The following KRT79 variants were observed in gnomAD, a reference collection of about 807,000 sequenced individuals.
The protein encoded by KRT79 is keratin, type II cytoskeletal 79.
Under a neutral mutation model 49.0 loss-of-function variants are expected in KRT79, and 51 were observed. The observed-to-expected ratio is 1.04, with a 90% CI of 0.83 to 1.31. The LOEUF is 1.31. KRT79 is among the 40% of genes most tolerant of loss of function. The pLI, the probability that KRT79 is intolerant of heterozygous loss-of-function variation, is 0.00. For missense variants in KRT79, 728 were observed against 688.0 expected (o/e 1.06, Z -0.65); for synonymous variants, 312 against 286.6 (o/e 1.09, Z -0.90).
rs756078127 is a variant in KRT79, at chr12:52,823,055, A to G, written c.1328T>C (p.Ile443Thr). ...MNVKLALDVE[I>T]ATYRKLLESE... ...CTCCAGAAGCTTGCGGTAGGTGGCA[A>G]TCTCCACGTCCAGGGCCAGCTTGAC... Residue 443 changes from isoleucine (I) to threonine (T), a missense_variant, in exon 7 of 9, where the codon ATT (isoleucine) becomes ACT (threonine). Physicochemically the swap from Ile to Thr is moderately conservative, Grantham distance 89 (BLOSUM62 -1). Transcript: ENST00000330553. 1.2e-6 allele frequency: 2 copies of G among 1,614,052 alleles called. No individual in the cohort carries two copies. The highest frequency in any genetic ancestry group is 1.7e-6 in the Non-Finnish European group (2 of 1,179,978).
rs34000434 is a variant in KRT79, at chr12:52,826,512, C to CAA, written c.856-2152_856-2151dup. Among the ~76,000 whole-genome samples, 333 of 102,482 alleles carry CAA rather than the reference C, an allele frequency of 3.2e-3. 1 individual carries two copies. Among genetic ancestry groups the CAA allele is most frequent in the African/African-American group, 0.012 (313 of 26,770 alleles). The allele number at this position is 102,482 out of a possible 152,430, so 67.2% of individuals were successfully genotyped here. On this transcript the variant is annotated intron_variant, in intron 4 of 8. Transcript: ENST00000330553. ...TGAGTGACAGAATGAGACCCTGTCT[C>CAA]AAAAAAAAAAAAAAAAAAAGTCAGG...
chr12:52,831,627 C>T lies in KRT79; in HGVS notation c.478-1G>A. 6.2e-7 allele frequency: 1 copy of T among 1,613,124 alleles called. No homozygotes were observed. Among genetic ancestry groups the T allele is most frequent in the East Asian group, 2.2e-5 (1 of 44,868 alleles). The stretch of plus-strand genomic sequence containing the variant: ...TATTCTGTTGCTCCAGGAACCGCAC[C>T]TGAGCCAGAGCAGAAAGGGTGGGCT... On this transcript the variant is annotated splice_acceptor_variant, in intron 1 of 8. Transcript: ENST00000330553. LOFTEE classifies it high-confidence loss of function.
At position 52,821,613 on chromosome 12, in the gene KRT79, C is replaced by CACCGTATCATTA; in HGVS notation, c.*258_*259insTAATGATACGGT. Reference sequence around the variant, plus strand: ...AGAAATTCAGCCTCCTCTCGGTGGTCAAAAGGTCACCCCCAAGTCACCCAA... The same window carrying CACCGTATCATTA: ...AGAAATTCAGCCTCCTCTCGGTGGTCACCGTATCATTAAAAAGGTCACCCCCAAGTCACCCAA... On this transcript the variant is annotated 3_prime_UTR_variant, in exon 9 of 9. Transcript: ENST00000330553. 1 of 494,334 alleles carries CACCGTATCATTA rather than the reference C, an allele frequency of 2.0e-6. No homozygotes were observed. The highest frequency in any genetic ancestry group is 3.6e-6 in the Non-Finnish European group (1 of 276,416). The allele number at this position is 494,334 out of a possible 1,614,324, so 30.6% of individuals were successfully genotyped here. A position where few individuals can be genotyped will look rare whatever the true frequency, so the allele number is the denominator to read the frequency against.
At chr12:52,828,661 T>C (rs752080999) in intron 4 of KRT79, among the ~76,000 whole-genome samples, 13 of 152,226 alleles carry the variant, frequency 8.5e-5, no homozygotes, top group Non-Finnish European at 1.9e-4. Context: ...GGAGAGTAGA[T>C]ACATGTCTCA....
intron 2 of KRT79, among the ~76,000 whole-genome samples, chr12:52,830,628 C>A (rs1940239998): frequency 1.3e-5 from 2 of 152,194 alleles, no homozygotes; most frequent in Non-Finnish European, 2.9e-5. Context: ...TCACTTTCAA[C>A]AACACAGTGT....
At chr12:52,824,681 A>G (rs1940152880) in intron 4 of KRT79, among the ~76,000 whole-genome samples, 1 of 152,158 alleles carries the variant, frequency 6.6e-6, no homozygotes, top group South Asian at 2.1e-4. Flanking sequence ...TAACCCCTCT[A>G]GGCCTCAGAA....
chr12:52,832,808 A>C (rs552306654), intron 1 of KRT79, among the ~76,000 whole-genome samples: 1 of 152,272 alleles, frequency 6.6e-6, no homozygotes, highest in African/African-American at 2.4e-5. Context: ...CTCTGCCTCC[A>C]ACTCCTTGTA....
chr12:52,825,142 G>A (rs2256838), intron 4 of KRT79, among the ~76,000 whole-genome samples: 3,564 of 152,236 alleles, frequency 0.023, 121 homozygotes, highest in African/African-American at 0.079. Context: ...TGGCTCCCAC[G>A]TGGGGCTCTG....
chr12:52,824,099 G>A (rs1020497600), intron 5 of KRT79, 87 bp from the exon 6 acceptor site: 22 of 1,611,884 alleles, frequency 1.4e-5, no homozygotes, highest in Non-Finnish European at 1.9e-5. Flanking sequence ...GAGTATATCT[G>A]GCCCCCCGGA....
chr12:52,823,210 C>T lies in KRT79; in HGVS notation c.1173G>A (p.Ala391=), dbSNP rs555720290. The T allele has an allele frequency of 1.4e-5, 23 of 1,614,084 alleles. No homozygotes were observed. The highest frequency in any genetic ancestry group is 8.3e-5 in the Admixed American group (5 of 60,004). The change falls in exon 7 of 9, where the codon GCG becomes GCA. Residue 391 remains alanine, a synonymous_variant. Coordinates refer to ENST00000330553, the MANE Select transcript of KRT79 (RefSeq NM_175834.3). ...CCAGCTCCCCACGCTGCTCCGCTTC[C>T]GCAATGGCCGTCTGCAGCTGCTGAC... ...KQCQQLQTAI[A]EAEQRGELAL...
chr12:52,824,674 C>G (rs1053890488), intron 4 of KRT79, among the ~76,000 whole-genome samples: 1 of 152,206 alleles, frequency 6.6e-6, no homozygotes, highest in Non-Finnish European at 1.5e-5. Flanking sequence ...CATTCACTAA[C>G]CCCTCTAGGC....
chr12:52,831,495 C>T lies in KRT79; in HGVS notation c.609G>A (p.Arg203=), dbSNP rs757527198. Residue 203 remains arginine (R), a synonymous_variant, in exon 2 of 9, where the codon CGG becomes CGA. Transcript: ENST00000330553. The stretch of plus-strand genomic sequence containing the variant: ...CGCTCTGAAGTCTGTCCAGCGTGCT[C>T]CGCATGCTACCCAGGTAGGCCTCAA... ...PLFEAYLGSM[R]STLDRLQSER... The T allele has an allele frequency of 6.2e-7, 1 of 1,614,202 alleles. No homozygotes were observed. The highest frequency in any genetic ancestry group is 8.5e-7 in the Non-Finnish European group (1 of 1,180,020).
At position 52,824,648 on chromosome 12, in the gene KRT79, C is replaced by T. The variant is rs73305812; in HGVS notation, c.856-286G>A. Reference sequence around the variant, plus strand: ...TACTCTCTGCACTAACACTGGTGCCCGGCACTGTGCTAGCACATTCACTAA... The same window carrying T: ...TACTCTCTGCACTAACACTGGTGCCTGGCACTGTGCTAGCACATTCACTAA... On this transcript the variant is annotated intron_variant, in intron 4 of 8. Transcript: ENST00000330553. Among the ~76,000 whole-genome samples the T allele has an allele frequency of 6.6e-3, 1,010 of 152,278 alleles. 10 individuals are homozygous for T. Among genetic ancestry groups the T allele is most frequent in the African/African-American group, 0.023 (960 of 41,542 alleles).
At chr12:52,833,518 C>T (rs1940286065) in intron 1 of KRT79, among the ~76,000 whole-genome samples, 1 of 152,166 alleles carries the variant, frequency 6.6e-6, no homozygotes, top group African/African-American at 2.4e-5. Context: ...GGTGGTAGGA[C>T]AGGCTTCAAC....
Position 52,821,986 on chromosome 12 carries a change from C to G in KRT79, c.1494G>C (p.Lys498Asn), listed in dbSNP as rs141269667. Residue 498 changes from lysine to asparagine, a missense_variant, in exon 9 of 9, where the codon AAG becomes AAC. By Grantham distance (94) the Lys-to-Asn change is moderately conservative. Transcript: ENST00000330553. Reference sequence around the variant, plus strand: ...AGCCCACATTTGTGCTGAATCCACCCTTGGTGGCCCCCCCACTCCCACCCA... The same window carrying G: ...AGCCCACATTTGTGCTGAATCCACCGTTGGTGGCCCCCCCACTCCCACCCA... ...ISLGGSGGAT[K>N]GGFSTNVGYS... 9.9e-6 allele frequency: 16 copies of G among 1,614,196 alleles called. No homozygotes were observed. In the East Asian group the frequency reaches 3.1e-4, roughly 31 times the overall value.
chr12:52,822,049 G>T lies in KRT79; in HGVS notation c.1431C>A (p.Cys477Ter). 6 of 1,614,030 alleles carry T rather than the reference G, an allele frequency of 3.7e-6. No homozygotes were observed. Among genetic ancestry groups the T allele is most frequent in the Non-Finnish European group, 5.1e-6 (6 of 1,180,004 alleles). Residue 477 changes from cysteine to a stop codon, truncating the protein, a stop_gained, in exon 9 of 9, where the codon TGC becomes TGA. Transcript: ENST00000330553. LOFTEE classifies it low-confidence loss of function (END_TRUNC). ...ISVTGNSTTV[C>*]GGGAASFGGG... Reference sequence around the variant, plus strand: ...CTCCAAAGCTGGCTGCGCCACCTCCGCACACAGTGGTGGAGTTGCCAGTCA... The same window carrying T: ...CTCCAAAGCTGGCTGCGCCACCTCCTCACACAGTGGTGGAGTTGCCAGTCA...
At chr12:52,825,951 T>C (rs1397803732) in intron 4 of KRT79, among the ~76,000 whole-genome samples, 2 of 152,134 alleles carry the variant, frequency 1.3e-5, no homozygotes, top group Non-Finnish European at 2.9e-5. Flanking sequence ...GTAAAGTGCA[T>C]TCTTACTTTC....
rs1592320007 is a variant in KRT79 at position 52,833,883 on chromosome 12, G to T, written c.378C>A (p.Pro126=). The T allele has an allele frequency of 1.9e-6, 3 of 1,613,828 alleles. No homozygotes were observed. The East Asian group carries it at 6.7e-5, about 36-fold the overall frequency. Residue 126 remains proline, a synonymous_variant, in exon 1 of 9, where the codon CCC becomes CCA. Coordinates refer to ENST00000330553, the MANE Select transcript of KRT79 (RefSeq NM_175834.3). The part of the protein sequence containing the change: ...EVTVNQSLLT[P]LHVEIDPEIQ... ...TCTCGGGGTCAATCTCCACATGGAGGGGGGTCAGCAGGCTCTGGTTGACAG... is the reference window on the plus strand; with the variant it reads ...TCTCGGGGTCAATCTCCACATGGAGTGGGGTCAGCAGGCTCTGGTTGACAG...
rs546837428 is a variant in KRT79 at position 52,826,686 on chromosome 12, G to A, written c.856-2324C>T. Among the ~76,000 whole-genome samples, 34 of 152,162 alleles carry A rather than the reference G, an allele frequency of 2.2e-4. No individual in the cohort carries two copies. In the South Asian group the frequency reaches 7.1e-3, roughly 32 times the overall value. ...GTAAAGGGAGCCAGCGGGCAGAAGT[G>A]GCACAAGCGGAAGAGGGACTGGGTT... On this transcript the variant is annotated intron_variant, in intron 4 of 8. Transcript: ENST00000330553.
Sources: allele counts gnomAD v4.1 joint callset (sites outside exome capture counted in the v4.1 genomes callset), GRCh38; gene constraint gnomAD v4.1.1; transcripts MANE v1.5; gene names NCBI Gene and HGNC (gene_info 2026-07-23, HGNC 2026-07-21).